The following USP21 variants were observed in gnomAD, a reference collection of about 807,000 sequenced individuals.
USP21 encodes ubiquitin specific peptidase 21.
A neutral mutation model predicts 70.8 loss-of-function variants in USP21; 37 were observed. The ratio of observed to expected loss-of-function variants is 0.52; its 90% CI spans 0.40 to 0.69. The LOEUF (loss-of-function observed/expected upper bound fraction) is 0.69, where lower values mean the gene tolerates loss of function less well. Among genes scored for constraint, USP21 ranks in the 30% least tolerant of loss-of-function variants. The pLI is 0.00. For synonymous variants in USP21, 263 were observed against 283.1 expected (o/e 0.93, Z 0.71); for missense variants, 584 against 740.8 (o/e 0.79, Z 2.46).
Position 161,164,637 on chromosome 1 carries a change from T to A in USP21, c.1384+25T>A. The A allele has an allele frequency of 6.2e-7, 1 of 1,613,864 alleles. No homozygotes were observed. The highest frequency in any genetic ancestry group is 1.7e-5 in the Admixed American group (1 of 60,022). On this transcript the variant is annotated intron_variant, in intron 11 of 13. Transcript: ENST00000368002. This position sits in a 1 kb window ranked among gnomAD's most constrained non-coding sequence, Gnocchi z 4.2. ...CATATCCTAATCTTCAGATTCTTACTTCTCTTAGGATACCTCCCATACATT... is the reference window on the plus strand; with the variant it reads ...CATATCCTAATCTTCAGATTCTTACATCTCTTAGGATACCTCCCATACATT...
Position 161,160,846 on chromosome 1 carries a change from G to T in USP21, c.206G>T (p.Gly69Val). Reference sequence around the variant, plus strand: ...GAACGGCTCAAGAAACTGGAGCTGGGACGGGGACGGACCTCAGGCCCTCGT... The same window carrying T: ...GAACGGCTCAAGAAACTGGAGCTGGTACGGGGACGGACCTCAGGCCCTCGT... ...PDERLKKLEL[G>V]RGRTSGPRPR... Residue 69 changes from glycine to valine, a missense_variant, in exon 3 of 14, where the codon GGA becomes GTA. Physicochemically the swap from Gly to Val is moderately radical, Grantham distance 109. Around this residue, in one of 4 missense-constraint regions of USP21, gnomAD observed 284 missense variants for 281.0 expected, o/e 1.01. Coordinates refer to ENST00000368002, the MANE Select transcript of USP21 (RefSeq NM_001014443.3). The T allele has an allele frequency of 6.2e-7, 1 of 1,614,228 alleles. No individual in the cohort carries two copies. The highest frequency in any genetic ancestry group is 8.5e-7 in the Non-Finnish European group (1 of 1,180,048).
Position 161,160,898 on chromosome 1 carries a change from T to C in USP21, c.258T>C (p.His86=). The change falls in exon 3 of 14, where the codon CAT becomes CAC. Residue 86 remains histidine (H), a synonymous_variant. Coordinates refer to ENST00000368002, the MANE Select transcript of USP21 (RefSeq NM_001014443.3). ...PRPRGPLRAD[H]GVPLPGSPPP... ...CCAGAGGCCCCCTTCGAGCAGATCA[T>C]GGGGTTCCCCTGCCTGGCTCACCAC... is the stretch of plus-strand genomic sequence containing the variant. The C allele has an allele frequency of 6.2e-7, 1 of 1,614,226 alleles. No homozygotes were observed. Among genetic ancestry groups the C allele is most frequent in the Non-Finnish European group, 8.5e-7 (1 of 1,180,036 alleles).
At position 161,161,383 on chromosome 1, in the gene USP21, T is replaced by A. The variant is rs1657920729; in HGVS notation, c.600+143T>A. 9.1e-7 allele frequency: 1 copy of A among 1,098,208 alleles called. No individual in the cohort carries two copies. Among genetic ancestry groups the A allele is most frequent in the Non-Finnish European group, 1.3e-6 (1 of 782,558 alleles). 68.0% of individuals were successfully genotyped at this position (1,098,208 alleles called of 1,614,324 possible). A position where few individuals can be genotyped will look rare whatever the true frequency, so the allele number is the denominator to read the frequency against. ...CAGTTTGGACATGCCTCTCCCTTGC[T>A]TAAATACCCTTGAGCCTCCTAGACC... On this transcript the variant is annotated intron_variant, in intron 3 of 13. Coordinates refer to ENST00000368002, the MANE Select transcript of USP21 (RefSeq NM_001014443.3). This position sits in a 1 kb window ranked among gnomAD's most constrained non-coding sequence, Gnocchi z 4.2.
chr1:161,163,249 G>A (rs968686854), intron 7 of USP21, among the ~76,000 whole-genome samples, 175 bp downstream of exon 7: 11 of 152,216 alleles, frequency 7.2e-5, no homozygotes, highest in African/African-American at 9.6e-5. Context: ...GGGAGTCTAA[G>A]GGAGCAGATG....
At position 161,164,731 on chromosome 1, in the gene USP21, G is replaced by C; in HGVS notation, c.1385-104G>C. The C allele has an allele frequency of 6.2e-7, 1 of 1,600,402 alleles. No individual in the cohort carries two copies. ...AAGTCTGCCACCCACTTTTCCACAA[G>C]ATGCTCCCAGTGTGTCGGGAGTGGG... On this transcript the variant is annotated intron_variant, in intron 11 of 13. Transcript: ENST00000368002. The surrounding 1 kb of genome is among the most constrained non-coding windows in gnomAD (Gnocchi z 4.2).
Position 161,160,488 on chromosome 1 carries a change from G to A in USP21, c.-40G>A. On this transcript the variant is annotated 5_prime_UTR_variant, in exon 2 of 14. Coordinates refer to ENST00000368002, the MANE Select transcript of USP21 (RefSeq NM_001014443.3). ...AGCCAACCACCTAATGTGGAAATGA[G>A]AGGACAGCAAGATTGTGGGTATGGA... is the stretch of plus-strand genomic sequence containing the variant. 2 of 976,784 alleles carry A rather than the reference G, an allele frequency of 2.0e-6. No individual in the cohort carries two copies. The highest frequency in any genetic ancestry group is 3.1e-6 in the Non-Finnish European group (2 of 636,746). The allele number at this position is 976,784 out of a possible 1,614,324, so 60.5% of individuals were successfully genotyped here.
At position 161,162,249 on chromosome 1, in the gene USP21, A is replaced by G. The variant is rs2101806866; in HGVS notation, c.661-21A>G. On this transcript the variant is annotated intron_variant, in intron 4 of 13. Transcript: ENST00000368002. The surrounding 1 kb of genome is among the most constrained non-coding windows in gnomAD (Gnocchi z 4.1). ...GGCAGTGGTCTGGAGAGATAACAGC[A>G]GTGTCCCTACTGCTCCCCAGTGCTT... is the stretch of plus-strand genomic sequence containing the variant. 1 of 1,607,412 alleles carries G rather than the reference A, an allele frequency of 6.2e-7. No homozygotes were observed. The highest frequency in any genetic ancestry group is 1.1e-5 in the South Asian group (1 of 90,420).
rs1211110254 is a variant in USP21, at chr1:161,162,830, C to T, written c.894-89C>T. ...TTCTGAGCCTTGAGATGTTCTTCAT[C>T]CAGGAAGTGGGGACCAATATCTGGG... On this transcript the variant is annotated intron_variant, in intron 6 of 13. Transcript: ENST00000368002. This position sits in a 1 kb window ranked among gnomAD's most constrained non-coding sequence, Gnocchi z 4.1. 1.3e-6 allele frequency: 2 copies of T among 1,582,596 alleles called. No homozygotes were observed. The highest frequency in any genetic ancestry group is 1.7e-6 in the Non-Finnish European group (2 of 1,154,242).
At position 161,161,020 on chromosome 1, in the gene USP21, G is replaced by A; in HGVS notation, c.380G>A (p.Gly127Glu). Residue 127 changes from glycine to glutamate, a missense_variant, in exon 3 of 14, where the codon GGA becomes GAA. This residue lies in a region of USP21 where 284 missense variants were observed against 281.0 expected (regional missense o/e 1.01). Coordinates refer to ENST00000368002, the MANE Select transcript of USP21 (RefSeq NM_001014443.3). This position sits in a 1 kb window ranked among gnomAD's most constrained non-coding sequence, Gnocchi z 4.2. ...TTGCGTCCAATGGGGATTGCCTTGG[G>A]AGGGCACCGTGGCACCGGAGAGCTT... is the stretch of plus-strand genomic sequence containing the variant. ...GDLRPMGIAL[G>E]GHRGTGELGA... is the part of the protein sequence containing the mutation. 1 of 1,614,246 alleles carries A rather than the reference G, an allele frequency of 6.2e-7. No homozygotes were observed.
chr1:161,163,799 A>G (rs1412636026), intron 8 of USP21, 79 bp from the exon 9 acceptor site: 1 of 1,430,308 alleles, frequency 7.0e-7, no homozygotes, highest in Non-Finnish European at 9.9e-7. Flanking sequence ...GCAAAGGGGC[A>G]GGAAGAGATG....
Position 161,164,718 on chromosome 1 carries a change from C to T in USP21, c.1384+106C>T. ...TTTTCCTTAGGAAAAGTCTGCCACC[C>T]ACTTTTCCACAAGATGCTCCCAGTG... On this transcript the variant is annotated intron_variant, in intron 11 of 13. Coordinates refer to ENST00000368002, the MANE Select transcript of USP21 (RefSeq NM_001014443.3). This position sits in a 1 kb window ranked among gnomAD's most constrained non-coding sequence, Gnocchi z 4.2. The T allele has an allele frequency of 2.5e-6, 4 of 1,601,142 alleles. No homozygotes were observed. The highest frequency in any genetic ancestry group is 3.4e-6 in the Non-Finnish European group (4 of 1,171,850).
chr1:161,162,482 T>G lies in USP21; in HGVS notation c.781+92T>G. 6.4e-7 allele frequency: 1 copy of G among 1,559,010 alleles called. No homozygotes were observed. Among genetic ancestry groups the G allele is most frequent in the Non-Finnish European group, 8.7e-7 (1 of 1,143,878 alleles). On this transcript the variant is annotated intron_variant, in intron 5 of 13. Transcript: ENST00000368002. This position sits in a 1 kb window ranked among gnomAD's most constrained non-coding sequence, Gnocchi z 4.1. ...GCCACTGGTGGTGGCCCCCAACCCT[T>G]AAATCTGGCAGTTGTATCTACTTTT...
In USP21 at chr1:161,164,277, G is replaced by A. The variant is rs768076736; in HGVS notation, c.1305+27G>A. On this transcript the variant is annotated intron_variant, in intron 10 of 13. Coordinates refer to ENST00000368002, the MANE Select transcript of USP21 (RefSeq NM_001014443.3). This position sits in a 1 kb window ranked among gnomAD's most constrained non-coding sequence, Gnocchi z 4.2. ...TATGTGGAGGTTCACAAGGGATACA[G>A]TAAGGGTGGGAGACCTGGGGGGACT... 3.7e-6 allele frequency: 6 copies of A among 1,607,228 alleles called. No homozygotes were observed. In the South Asian group the frequency reaches 6.6e-5, roughly 18 times the overall value.
rs867682138 is a variant in USP21, at chr1:161,161,655, G to A, written c.601-383G>A. ...GTAAGCTAGGCTGATTGCAATTGGA[G>A]CCAGCAGGAGAAGGGCAAGAAGGGG... On this transcript the variant is annotated intron_variant, in intron 3 of 13. Transcript: ENST00000368002. This position sits in a 1 kb window ranked among gnomAD's most constrained non-coding sequence, Gnocchi z 4.2. 1 of 391,762 alleles carries A rather than the reference G, an allele frequency of 2.6e-6. No homozygotes were observed. 24.3% of individuals were successfully genotyped at this position (391,762 alleles called of 1,614,324 possible). A position where few individuals can be genotyped will look rare whatever the true frequency, so the allele number is the denominator to read the frequency against.
Position 161,164,112 on chromosome 1 carries a change from G to T in USP21, c.1219-52G>T. ...CTGAAGCCTGGATTGATTGAGAAGA[G>T]TTGGAAAAGGAAATTCAGAACATGT... On this transcript the variant is annotated intron_variant, in intron 9 of 13. Coordinates refer to ENST00000368002, the MANE Select transcript of USP21 (RefSeq NM_001014443.3). The surrounding 1 kb of genome is among the most constrained non-coding windows in gnomAD (Gnocchi z 4.2). 6.2e-7 allele frequency: 1 copy of T among 1,602,502 alleles called. No homozygotes were observed. The highest frequency in any genetic ancestry group is 8.5e-7 in the Non-Finnish European group (1 of 1,169,598).
chr1:161,165,102 G>A lies in USP21; in HGVS notation c.1566G>A (p.Leu522=), dbSNP rs1658473324. ...GSVHYGHYTA[L]CRCQTGWHVY... ...TCCACTATGGCCACTACACAGCCCT[G>A]TGCCGGTGCCAGACTGGTTGGCATG... Residue 522 remains leucine (L), a synonymous_variant, in exon 13 of 14, where the codon CTG becomes CTA. Coordinates refer to ENST00000368002, the MANE Select transcript of USP21 (RefSeq NM_001014443.3). The A allele has an allele frequency of 6.2e-7, 1 of 1,613,866 alleles. No homozygotes were observed. Among genetic ancestry groups the A allele is most frequent in the Admixed American group, 1.7e-5 (1 of 59,996 alleles).
Position 161,162,355 on chromosome 1 carries a change from T to G in USP21, c.746T>G (p.Val249Gly). 1 of 1,613,338 alleles carries G rather than the reference T, an allele frequency of 6.2e-7. No individual in the cohort carries two copies. Among genetic ancestry groups the G allele is most frequent in the Non-Finnish European group, 8.5e-7 (1 of 1,179,616 alleles). The change falls in exon 5 of 14, where the codon GTG (valine) becomes GGG (glycine). Residue 249 changes from valine to glycine, a missense_variant. This residue lies in a region of USP21 where 87 missense variants were observed against 162.4 expected (regional missense o/e 0.54). Transcript: ENST00000368002. This position sits in a 1 kb window ranked among gnomAD's most constrained non-coding sequence, Gnocchi z 4.1. ...CTGAGAAGGGACTTCCGGCAAGAGG[T>G]GCCTGGAGGAGGCCGAGCCCAAGAG... ...FCLRRDFRQE[V>G]PGGGRAQELT...
rs1658415493 is a variant in USP21, at chr1:161,164,941, C to T, written c.1491C>T (p.Ala497=). 5.6e-6 allele frequency: 9 copies of T among 1,613,688 alleles called. No homozygotes were observed. The highest frequency in any genetic ancestry group is 5.5e-5 in the South Asian group (5 of 91,074). ...LSLGDFASDK[A]GSPVYQLYAL... is the part of the protein sequence containing the mutation. The stretch of plus-strand genomic sequence containing the variant: ...TAGGGGACTTTGCCAGTGACAAAGC[C>T]GGTGAGTCTGGTGGGGAAAGTCCTA... The change falls in exon 12 of 14, where the codon GCC becomes GCT. Residue 497 remains alanine, a splice_region_variant and synonymous_variant. Transcript: ENST00000368002. This position sits in a 1 kb window ranked among gnomAD's most constrained non-coding sequence, Gnocchi z 4.2.
At chr1:161,165,267 A>G in intron 13 of USP21, 90 bp from the exon 14 acceptor site, 1 of 1,438,542 alleles carries the variant, frequency 7.0e-7, no homozygotes, top group Non-Finnish European at 9.8e-7. Flanking sequence ...TTGCCTGATC[A>G]TTTCCTGGAT....
Sources: allele counts gnomAD v4.1 joint callset (sites outside exome capture counted in the v4.1 genomes callset), GRCh38; gene constraint gnomAD v4.1.1; regional missense constraint gnomAD v4.1.1; non-coding constraint Gnocchi (gnomAD v3.1); transcripts MANE v1.5; gene names NCBI Gene and HGNC (gene_info 2026-07-23, HGNC 2026-07-21).